Variants in ASTN2 observed in about 807,000 individuals in gnomAD.
ASTN2 encodes astrotactin-2.
Under a neutral mutation model 139.8 loss-of-function variants are expected in ASTN2, and 54 were observed. That is an observed-to-expected ratio of 0.39 (90% CI 0.31 to 0.48). The LOEUF is 0.48. Ranked by LOEUF, ASTN2 falls within the 20% of genes least tolerant of loss-of-function variation. ASTN2 has a pLI of 0.95. For missense variants in ASTN2, 1,565 were observed against 1,725.1 expected (o/e 0.91, Z 1.64); for synonymous variants, 756 against 719.5 (o/e 1.05, Z -0.81).
At chr9:117,196,107 C>T (rs1178489406) in intron 3 of ASTN2, among the ~76,000 whole-genome samples, 1 of 152,150 alleles carries the variant, frequency 6.6e-6, no homozygotes, top group Non-Finnish European at 1.5e-5. Flanking sequence ...CTGCATCTTA[C>T]TACAATAGCT....
intron 9 of ASTN2, among the ~76,000 whole-genome samples, chr9:116,975,715 T>C (rs1316361482): frequency 6.6e-6 from 1 of 152,212 alleles, no homozygotes; most frequent in East Asian, 1.9e-4. Context: ...GCACGGACTT[T>C]GAATCAGTTT....
At chr9:116,478,735 A>G (rs991233877) in intron 20 of ASTN2, among the ~76,000 whole-genome samples, 1 of 152,104 alleles carries the variant, frequency 6.6e-6, no homozygotes, top group Non-Finnish European at 1.5e-5. Context: ...TGGCTCACAC[A>G]TGTAATCCCA....
Position 116,799,711 on chromosome 9 carries a change from G to GT in ASTN2, c.2396+5920_2396+5921insA, listed in dbSNP as rs1392000781. Among the ~76,000 whole-genome samples, 4 of 144,106 alleles carry GT rather than the reference G, an allele frequency of 2.8e-5. No individual in the cohort carries two copies. The South Asian group carries it at 9.3e-4, about 33-fold the overall frequency. 94.5% of individuals were successfully genotyped at this position (144,106 alleles called of 152,430 possible). A position where few individuals can be genotyped will look rare whatever the true frequency, so the allele number is the denominator to read the frequency against. Reference sequence around the variant, plus strand: ...AATGAATGTGGGTAAGAGAGTGGGGGGGGGGAGAATAAAAAACAAACAAAT... The same window carrying GT: ...AATGAATGTGGGTAAGAGAGTGGGGGTGGGGGAGAATAAAAAACAAACAAAT... On this transcript the variant is annotated intron_variant, in intron 13 of 22. Transcript: ENST00000313400.
intron 16 of ASTN2, among the ~76,000 whole-genome samples, chr9:116,664,161 G>C (rs1025006167): frequency 6.6e-6 from 1 of 151,860 alleles, no homozygotes; most frequent in African/African-American, 2.4e-5. Context: ...AAATGAATTA[G>C]AATAATATTG....
chr9:117,405,839 T>A (rs868797463), intron 1 of ASTN2, among the ~76,000 whole-genome samples: 1 of 152,150 alleles, frequency 6.6e-6, no homozygotes, highest in Non-Finnish European at 1.5e-5. Flanking sequence ...CAAGACAGAG[T>A]CTTCTCCAAA....
At chr9:116,753,166 C>T (rs1445498740) in intron 13 of ASTN2, among the ~76,000 whole-genome samples, 1 of 152,132 alleles carries the variant, frequency 6.6e-6, no homozygotes, top group African/African-American at 2.4e-5. Context: ...AATATCATTC[C>T]ACAATTTTAA....
intron 16 of ASTN2, among the ~76,000 whole-genome samples, chr9:116,692,387 C>T (rs1860615362): frequency 2.0e-5 from 3 of 152,166 alleles, no homozygotes; most frequent in Admixed American, 2.0e-4. Flanking sequence ...GCAGCAGTTG[C>T]TGCTACTGCT....
intron 3 of ASTN2, among the ~76,000 whole-genome samples, chr9:117,205,776 C>T (rs532254232): frequency 1.2e-3 from 185 of 152,176 alleles, no homozygotes; most frequent in African/African-American, 4.3e-3. Context: ...GATCTCCAGC[C>T]CAAAGCTTTC....
chr9:117,075,249 G>A (rs1828247932), intron 5 of ASTN2, among the ~76,000 whole-genome samples: 1 of 152,160 alleles, frequency 6.6e-6, no homozygotes, highest in Non-Finnish European at 1.5e-5. Flanking sequence ...GATGAGCCCA[G>A]CCCCTCTGAC....
Position 117,275,955 on chromosome 9 carries a change from G to T in ASTN2, c.630+15371C>A, listed in dbSNP as rs141891458. On this transcript the variant is annotated intron_variant, in intron 2 of 22. Coordinates refer to ENST00000313400, the MANE Select transcript of ASTN2 (RefSeq NM_001365068.1). ...TCCTAATACAGTCACATTAGGGGTT[G>T]AGCTTCAACATATTAATTTGCAGGG... Among the ~76,000 whole-genome samples, 46 of 152,204 alleles carry T rather than the reference G, an allele frequency of 3.0e-4. 1 individual carries two copies. The East Asian group carries it at 8.9e-3, about 29-fold the overall frequency.
At chr9:117,044,067 G>T (rs541813372) in intron 5 of ASTN2, among the ~76,000 whole-genome samples, 2 of 152,132 alleles carry the variant, frequency 1.3e-5, no homozygotes, top group East Asian at 3.9e-4. Context: ...GGGTCAATAT[G>T]TGTCTAATGC....
At chr9:117,276,530 G>T (rs1200758949) in intron 2 of ASTN2, among the ~76,000 whole-genome samples, 1 of 152,210 alleles carries the variant, frequency 6.6e-6, no homozygotes, top group Non-Finnish European at 1.5e-5. Context: ...TCCCTATTAA[G>T]GAAAGCTGAG....
chr9:116,999,882 G>C (rs1055067251), intron 7 of ASTN2, among the ~76,000 whole-genome samples: 1 of 152,000 alleles, frequency 6.6e-6, no homozygotes, highest in Non-Finnish European at 1.5e-5. Flanking sequence ...CATTGCAAAA[G>C]TTCAGAAGTC....
intron 19 of ASTN2, among the ~76,000 whole-genome samples, chr9:116,553,712 C>G (rs903716854): frequency 1.5e-4 from 23 of 152,312 alleles, no homozygotes; most frequent in African/African-American, 5.3e-4. Context: ...GTAGGGACCA[C>G]AGCACTTACC....
intron 5 of ASTN2, among the ~76,000 whole-genome samples, 196 bp from the exon 6 acceptor site, chr9:117,040,161 C>T (rs570504800): frequency 4.6e-5 from 7 of 152,300 alleles, no homozygotes; most frequent in African/African-American, 1.2e-4. Flanking sequence ...TTTAACACTC[C>T]GCAAAATGGG....
chr9:117,031,386 G>A (rs1838242418), intron 6 of ASTN2, among the ~76,000 whole-genome samples: 1 of 152,114 alleles, frequency 6.6e-6, no homozygotes, highest in East Asian at 1.9e-4. Context: ...AATAAGCTGT[G>A]GTCCTTGCCC....
chr9:116,907,125 A>G (rs1280051713), intron 10 of ASTN2, among the ~76,000 whole-genome samples: 1 of 152,200 alleles, frequency 6.6e-6, no homozygotes, highest in African/African-American at 2.4e-5. Flanking sequence ...CAAAGGGCTT[A>G]AGAGAATTGT....
chr9:116,465,491 T>G (rs545714855), intron 20 of ASTN2, among the ~76,000 whole-genome samples: 1 of 152,312 alleles, frequency 6.6e-6, no homozygotes, highest in African/African-American at 2.4e-5. Context: ...AATATTTATT[T>G]TCTTACAGGT....
chr9:116,515,568 A>C (rs1488944476), intron 19 of ASTN2, among the ~76,000 whole-genome samples: 1 of 152,216 alleles, frequency 6.6e-6, no homozygotes, highest in Admixed American at 6.5e-5. Flanking sequence ...ACTGAGACTC[A>C]GAGCTGGGTG....
Sources: gnomAD v4.1 joint callset for allele counts (sites outside exome capture counted in the v4.1 genomes callset) on GRCh38, gnomAD v4.1.1 for gene constraint, MANE v1.5 for transcripts, NCBI Gene and HGNC (gene_info 2026-07-23, HGNC 2026-07-21) for gene names.